Variants in PDZK1IP1 observed in about 807,000 individuals in gnomAD.
The protein encoded by PDZK1IP1 is PDZK1 interacting protein 1, also known as PDZK1-interacting protein 1.
Under a neutral mutation model 14.7 loss-of-function variants are expected in PDZK1IP1, and 9 were observed. The observed-to-expected ratio is 0.61, with a 90% CI of 0.37 to 1.07. The LOEUF is 1.07. Among genes scored for constraint, PDZK1IP1 ranks in the 50% least tolerant of loss-of-function variants. The probability of loss-of-function intolerance (pLI) is 0.01; values close to 1 mark genes in which losing one functional copy is unlikely to be tolerated. For synonymous variants in PDZK1IP1, 70 were observed against 61.2 expected (o/e 1.14, Z -0.67); for missense variants, 152 against 148.7 (o/e 1.02, Z -0.11).
At chr1:47,186,428 G>T (rs955860244) in intron 2 of PDZK1IP1, among the ~76,000 whole-genome samples, 1 of 152,106 alleles carries the variant, frequency 6.6e-6, no homozygotes, top group Non-Finnish European at 1.5e-5. Context: ...CACCTCACCA[G>T]CCTCATCTCA....
rs776562397 is a variant in PDZK1IP1, at chr1:47,185,065, T to A, written c.209A>T (p.Asn70Ile). 2 of 1,613,266 alleles carry A rather than the reference T, an allele frequency of 1.2e-6. No homozygotes were observed. Among genetic ancestry groups the A allele is most frequent in the Non-Finnish European group, 1.7e-6 (2 of 1,179,950 alleles). Reference protein sequence around the residue: ...EPAHMILTVGNKADGVLVGTD... With the variant: ...EPAHMILTVGIKADGVLVGTD... ...TCCCACCAGGACTCCATCTGCCTTG[T>A]TTCCGACGGTCAGGATCATGTGTGC... Residue 70 changes from asparagine to isoleucine, a missense_variant, in exon 3 of 4, where the codon AAC (asparagine) becomes ATC (isoleucine). By Grantham distance (149) the Asn-to-Ile change is moderately radical (BLOSUM62 -3). Coordinates refer to ENST00000294338, the MANE Select transcript of PDZK1IP1 (RefSeq NM_005764.4).
chr1:47,188,344 C>T (rs1160411579), intron 1 of PDZK1IP1, among the ~76,000 whole-genome samples: 1 of 152,154 alleles, frequency 6.6e-6, no homozygotes, highest in African/African-American at 2.4e-5. Context: ...AACACAGTCC[C>T]TCAAGATTTT....
chr1:47,186,956 G>A (rs1645323392), intron 2 of PDZK1IP1, among the ~76,000 whole-genome samples: 1 of 152,176 alleles, frequency 6.6e-6, no homozygotes, highest in South Asian at 2.1e-4. Flanking sequence ...CCCACCCAAA[G>A]GAGGGACCGC....
intron 2 of PDZK1IP1, among the ~76,000 whole-genome samples, chr1:47,186,734 A>G (rs1031110647): frequency 6.6e-6 from 1 of 152,118 alleles, no homozygotes; most frequent in Non-Finnish European, 1.5e-5. Flanking sequence ...ACGCCACTCT[A>G]TCCTGGTAGT....
At chr1:47,185,761 TC>T (rs371336246) in intron 2 of PDZK1IP1, among the ~76,000 whole-genome samples, 165 of 152,090 alleles carry the variant, frequency 1.1e-3, no homozygotes, top group South Asian at 7.7e-3. Flanking sequence ...CCTGCCTTCC[TC>T]CCCTCGAGTC....
intron 2 of PDZK1IP1, 43 bp downstream of exon 2, chr1:47,187,276 T>TGGG: frequency 7.1e-7 from 1 of 1,401,586 alleles, no homozygotes. Flanking sequence ...GCAGTGGTCC[T>TGGG]GGGCCCACCC....
At chr1:47,188,072 A>G (rs1645330813) in intron 1 of PDZK1IP1, among the ~76,000 whole-genome samples, 1 of 152,216 alleles carries the variant, frequency 6.6e-6, no homozygotes, top group African/African-American at 2.4e-5. Flanking sequence ...GGACCAGGAA[A>G]GAAGCCTCAA....
At chr1:47,184,182 A>G in intron 3 of PDZK1IP1, 139 bp from the exon 4 acceptor site, 2 of 686,064 alleles carry the variant, frequency 2.9e-6, no homozygotes, top group South Asian at 3.5e-5. Flanking sequence ...TCCTGACCAC[A>G]TCTGGGCTTA....
rs376380983 is a variant in PDZK1IP1 at position 47,183,749 on chromosome 1, C to T, written c.*222G>A. The T allele has an allele frequency of 3.4e-6, 2 of 592,856 alleles. No individual in the cohort carries two copies. The highest frequency in any genetic ancestry group is 3.0e-6 in the Non-Finnish European group (1 of 332,650). 36.7% of individuals were successfully genotyped at this position (592,856 alleles called of 1,614,324 possible). ...GTCCTCTCCAGAAGGCTCTTCTGAG[C>T]TGAGCAGGAGACCCCAGGGCCACAG... On this transcript the variant is annotated 3_prime_UTR_variant, in exon 4 of 4. Coordinates refer to ENST00000294338, the MANE Select transcript of PDZK1IP1 (RefSeq NM_005764.4).
intron 2 of PDZK1IP1, 132 bp downstream of exon 2, chr1:47,187,187 A>G: frequency 1.6e-6 from 1 of 630,266 alleles, no homozygotes; most frequent in East Asian, 2.8e-5. Context: ...CTTGAGCCTC[A>G]GTTTCCCTTC....
intron 3 of PDZK1IP1, among the ~76,000 whole-genome samples, chr1:47,184,677 C>A (rs569730264): frequency 6.8e-6 from 1 of 146,988 alleles, no homozygotes; most frequent in Non-Finnish European, 1.5e-5. Flanking sequence ...CTCTACTGAG[C>A]CTTCCCCTCA....
intron 2 of PDZK1IP1, 92 bp from the exon 3 acceptor site, chr1:47,185,189 G>A (rs532927261): frequency 1.1e-4 from 106 of 953,534 alleles, no homozygotes; most frequent in African/African-American, 7.4e-4. Flanking sequence ...CAAGCCCGAA[G>A]GCTAGCAACT....
At chr1:47,185,310 A>C in intron 2 of PDZK1IP1, 1 of 544,320 alleles carries the variant, frequency 1.8e-6, no homozygotes, top group Non-Finnish European at 3.3e-6. Context: ...ATATTTGCAA[A>C]AGATTTATCC....
At chr1:47,188,288 G>T (rs1391616249) in intron 1 of PDZK1IP1, among the ~76,000 whole-genome samples, 1 of 152,226 alleles carries the variant, frequency 6.6e-6, no homozygotes, top group African/African-American at 2.4e-5. Flanking sequence ...TTACAGGCAT[G>T]AGCTACTGCA....
At position 47,184,992 on chromosome 1, in the gene PDZK1IP1, T is replaced by C. The variant is rs2148572492; in HGVS notation, c.272+10A>G. On this transcript the variant is annotated intron_variant, in intron 3 of 3. Transcript: ENST00000294338. ...GAGCACAGACCGGGCAGCCCTGCCC[T>C]GCACCTCACCTGAAACTGGCCGCCA... 6.2e-7 allele frequency: 1 copy of C among 1,607,102 alleles called. No homozygotes were observed.
At chr1:47,184,596 TCCACACCCCAGTGAAC>T (rs1645307636) in intron 3 of PDZK1IP1, among the ~76,000 whole-genome samples, 2 of 2,190 alleles carry the variant, frequency 9.1e-4, no homozygotes, top group African/African-American at 2.0e-3. Flanking sequence ...CCCCACTGAG[TCCACACCCCAGTGAAC>T]CCATCCCCCA....
chr1:47,187,372 C>T lies in PDZK1IP1; in HGVS notation c.123G>A (p.Leu41=). Residue 41 remains leucine, a synonymous_variant, in exon 2 of 4, where the codon CTG becomes CTA. Coordinates refer to ENST00000294338, the MANE Select transcript of PDZK1IP1 (RefSeq NM_005764.4). ...CTGCAAAGGCGATTGCAACGAGGAC[C>T]AGGAACACGGCCACCGCGATAAGGC... ...MQGLIAVAVF[L]VLVAIAFAVN... 1 of 1,612,864 alleles carries T rather than the reference C, an allele frequency of 6.2e-7. No individual in the cohort carries two copies. The highest frequency in any genetic ancestry group is 8.5e-7 in the Non-Finnish European group (1 of 1,179,968).
intron 3 of PDZK1IP1, 57 bp from the exon 4 acceptor site, chr1:47,184,100 C>G: frequency 7.8e-7 from 1 of 1,282,486 alleles, no homozygotes; most frequent in Non-Finnish European, 1.1e-6. Context: ...CTATCCCCTT[C>G]TCCCTGCCCC....
At chr1:47,187,214 G>T in intron 2 of PDZK1IP1, 105 bp downstream of exon 2, 1 of 726,200 alleles carries the variant, frequency 1.4e-6, no homozygotes, top group Admixed American at 2.2e-5. Flanking sequence ...GCCTCAGGGG[G>T]AGGATTGGAC....
Sources: allele counts gnomAD v4.1 joint callset (sites outside exome capture counted in the v4.1 genomes callset), GRCh38; gene constraint gnomAD v4.1.1; transcripts MANE v1.5; gene names NCBI Gene and HGNC (gene_info 2026-07-23, HGNC 2026-07-21).